ANO6: variants seen among roughly 807,000 people sequenced by gnomAD.
The protein encoded by ANO6 is anoctamin 6, also known as anoctamin-6.
A neutral mutation model predicts 117.5 loss-of-function variants in ANO6; 106 were observed. That is an observed-to-expected ratio of 0.90 (90% CI 0.77 to 1.06). The LOEUF is 1.06. Among genes scored for constraint, ANO6 ranks in the 50% least tolerant of loss-of-function variants. The pLI is 0.00. For missense variants in ANO6, 955 were observed against 1,121.1 expected (o/e 0.85, Z 2.12); for synonymous variants, 367 against 385.1 (o/e 0.95, Z 0.55).
At chr12:45,402,963 G>C in intron 13 of ANO6, 109 bp from the exon 14 acceptor site, 1 of 1,047,352 alleles carries the variant, frequency 9.5e-7, no homozygotes, top group Non-Finnish European at 1.4e-6. Context: ...AGTGTGAATT[G>C]TATTTTTTTA....
At chr12:45,249,760 G>A (rs1427428577) in intron 1 of ANO6, among the ~76,000 whole-genome samples, 1 of 152,172 alleles carries the variant, frequency 6.6e-6, no homozygotes, top group Admixed American at 6.5e-5. Flanking sequence ...AACCATTTAT[G>A]AGCCTGTGAC....
intron 19 of ANO6, among the ~76,000 whole-genome samples, chr12:45,428,889 C>T (rs983829491): frequency 2.0e-5 from 3 of 151,982 alleles, no homozygotes; most frequent in Non-Finnish European, 2.9e-5. Context: ...ATATACTTTT[C>T]TACATATCAC....
At chr12:45,293,804 C>T (rs1334001474) in intron 1 of ANO6, among the ~76,000 whole-genome samples, 5 of 132,160 alleles carry the variant, frequency 3.8e-5, no homozygotes, top group Admixed American at 1.9e-4. Flanking sequence ...AGGATGGTCT[C>T]GATCTCCTGA....
intron 14 of ANO6, 45 bp downstream of exon 14, chr12:45,403,286 T>G: frequency 6.3e-7 from 1 of 1,593,922 alleles, no homozygotes; most frequent in Non-Finnish European, 8.6e-7. Context: ...AAGCTGAGTT[T>G]TCTCTCAGTT....
intron 2 of ANO6, among the ~76,000 whole-genome samples, chr12:45,320,114 C>A (rs1592960353): frequency 1.3e-5 from 2 of 151,882 alleles, no homozygotes; most frequent in African/African-American, 4.8e-5. Context: ...GTGTTTCTAT[C>A]TCCTTCAGTT....
chr12:45,407,286 G>A (rs1942959618), intron 15 of ANO6, among the ~76,000 whole-genome samples: 1 of 152,174 alleles, frequency 6.6e-6, no homozygotes, highest in South Asian at 2.1e-4. Context: ...CTGAATCTGA[G>A]CTTTGATGTG....
At chr12:45,250,160 A>G (rs1292001085) in intron 1 of ANO6, among the ~76,000 whole-genome samples, 1 of 152,220 alleles carries the variant, frequency 6.6e-6, no homozygotes, top group African/African-American at 2.4e-5. Context: ...ATGACTGTAT[A>G]AGTACTAAAA....
intron 9 of ANO6, among the ~76,000 whole-genome samples, chr12:45,376,157 A>G (rs1382462807): frequency 6.6e-6 from 1 of 150,738 alleles, no homozygotes; most frequent in Non-Finnish European, 1.5e-5. Flanking sequence ...GTGAGATGCC[A>G]TCTCACACCA....
intron 10 of ANO6, 137 bp downstream of exon 10, chr12:45,378,250 G>T: frequency 2.4e-6 from 2 of 817,208 alleles, no homozygotes; most frequent in Non-Finnish European, 3.9e-6. Context: ...TATAACTGAG[G>T]GCATTTATCA....
chr12:45,400,206 A>T (rs1347237920), intron 12 of ANO6, among the ~76,000 whole-genome samples: 1 of 152,236 alleles, frequency 6.6e-6, no homozygotes, highest in African/African-American at 2.4e-5. Flanking sequence ...TTATGAGATT[A>T]AACAAATATA....
intron 16 of ANO6, 138 bp from the exon 17 acceptor site, chr12:45,416,561 A>T: frequency 1.3e-6 from 1 of 770,084 alleles, no homozygotes; most frequent in Non-Finnish European, 2.2e-6. Flanking sequence ...TCACTGTTGA[A>T]CACTAAATTA....
At chr12:45,320,171 T>C (rs1012636943) in intron 2 of ANO6, among the ~76,000 whole-genome samples, 1 of 152,196 alleles carries the variant, frequency 6.6e-6, no homozygotes, top group Non-Finnish European at 1.5e-5. Flanking sequence ...CTTTTGAATG[T>C]GTTTGCTCTT....
intron 1 of ANO6, 38 bp downstream of exon 1, chr12:45,216,429 G>A (rs1565625247): frequency 1.3e-6 from 2 of 1,598,436 alleles, no homozygotes; most frequent in Middle Eastern, 1.7e-4. Flanking sequence ...CCGAGAGCCC[G>A]AGCCGACGCG....
At chr12:45,238,664 ATTGGCTGTGGGT>A (rs1315763039) in intron 1 of ANO6, among the ~76,000 whole-genome samples, 1 of 152,094 alleles carries the variant, frequency 6.6e-6, no homozygotes, top group Non-Finnish European at 1.5e-5. Flanking sequence ...TCAGTATGAT[ATTGGCTGTGGGT>A]TTGTCATAAA....
chr12:45,326,707 T>C (rs1215730111), intron 2 of ANO6, among the ~76,000 whole-genome samples: 1 of 152,208 alleles, frequency 6.6e-6, no homozygotes, highest in Non-Finnish European at 1.5e-5. Flanking sequence ...ATTTTGTTTT[T>C]CATGACCACA....
intron 1 of ANO6, among the ~76,000 whole-genome samples, chr12:45,237,656 G>T (rs190085504): frequency 5.9e-5 from 9 of 152,274 alleles, no homozygotes; most frequent in East Asian, 5.8e-4. Flanking sequence ...GTCAGGTAGC[G>T]TGATGCCTCC....
intron 1 of ANO6, among the ~76,000 whole-genome samples, chr12:45,257,831 A>G (rs987188865): frequency 6.6e-6 from 1 of 152,234 alleles, no homozygotes. Context: ...TTCAATGAAG[A>G]AAACTGCAAA....
At chr12:45,436,915 G>A (rs1943713544), downstream of ANO6, among the ~76,000 whole-genome samples, 1 of 152,164 alleles carries the variant, frequency 6.6e-6, no homozygotes, top group South Asian at 2.1e-4. Context: ...ACAGTGAGCT[G>A]AAATTGCGCC....
At chr12:45,389,803 T>C (rs907563482) in intron 11 of ANO6, among the ~76,000 whole-genome samples, 1 of 152,192 alleles carries the variant, frequency 6.6e-6, no homozygotes, top group Non-Finnish European at 1.5e-5. Flanking sequence ...AGCTAAGGAT[T>C]GAGTTAATGT....
Sources: allele counts gnomAD v4.1 joint callset (sites outside exome capture counted in the v4.1 genomes callset), GRCh38; gene constraint gnomAD v4.1.1; transcripts MANE v1.5; gene names NCBI Gene and HGNC (gene_info 2026-07-23, HGNC 2026-07-21).